MGAT4C: variants seen among roughly 807,000 people sequenced by gnomAD.
MGAT4C encodes alpha-1,3-mannosyl-glycoprotein 4-beta-N-acetylglucosaminyltransferase C.
Under a neutral mutation model 40.1 loss-of-function variants are expected in MGAT4C, and 19 were observed. The observed-to-expected ratio is 0.47, with a 90% confidence interval of 0.33 to 0.70. The LOEUF (loss-of-function observed/expected upper bound fraction) is 0.70, where lower values mean the gene tolerates loss of function less well. MGAT4C is among the 30% of genes least tolerant of loss of function. The probability of loss-of-function intolerance (pLI) is 0.02; values close to 1 mark genes in which losing one functional copy is unlikely to be tolerated. For missense variants in MGAT4C, 491 were observed against 563.2 expected, an observed-to-expected ratio of 0.87 and a Z score of 1.30; for synonymous variants, 181 against 187.1, an observed-to-expected ratio of 0.97 and a Z score of 0.27.
chr12:86,298,368 A>C (rs1394278316), intron 4 of MGAT4C, among the ~76,000 whole-genome samples: 1 of 152,154 alleles, frequency 6.6e-6, no homozygotes, highest in Non-Finnish European at 1.5e-5. Flanking sequence ...TTGTCATGAG[A>C]TGGCAACTTG....
intron 2 of MGAT4C, among the ~76,000 whole-genome samples, chr12:86,026,189 C>G (rs1178981043): frequency 6.6e-6 from 1 of 151,796 alleles, no homozygotes. Context: ...TTTTTAATTA[C>G]ATAAGCAATG....
At chr12:86,221,291 C>T (rs979787225) in intron 1 of MGAT4C, among the ~76,000 whole-genome samples, 3 of 152,024 alleles carry the variant, frequency 2.0e-5, no homozygotes, top group Admixed American at 6.6e-5. Flanking sequence ...GTGCCATATC[C>T]TCTTAAGAGT....
intron 3 of MGAT4C, among the ~76,000 whole-genome samples, chr12:86,335,569 A>G (rs1301318196): frequency 6.6e-6 from 1 of 152,078 alleles, no homozygotes; most frequent in African/African-American, 2.4e-5. Context: ...AAATTTGTAG[A>G]TGCTCAAGTC....
chr12:86,576,569 G>A (rs557333505), intron 2 of MGAT4C, among the ~76,000 whole-genome samples: 1 of 151,904 alleles, frequency 6.6e-6, no homozygotes, highest in Non-Finnish European at 1.5e-5. Context: ...ACCATTTATT[G>A]AAGAGACTGT....
At chr12:86,533,789 T>C (rs1267767207) in intron 2 of MGAT4C, among the ~76,000 whole-genome samples, 2 of 151,612 alleles carry the variant, frequency 1.3e-5, no homozygotes, top group Non-Finnish European at 2.9e-5. Context: ...CCTGAGAAAC[T>C]AGTTCAGGTC....
intron 1 of MGAT4C, among the ~76,000 whole-genome samples, chr12:86,217,996 A>G (rs570772420): frequency 1.3e-5 from 2 of 152,248 alleles, no homozygotes; most frequent in South Asian, 4.1e-4. Flanking sequence ...TTTAGTATTA[A>G]TATCAAAATT....
At chr12:86,314,987 A>G (rs573786416) in intron 4 of MGAT4C, among the ~76,000 whole-genome samples, 69 of 151,442 alleles carry the variant, frequency 4.6e-4, no homozygotes, top group African/African-American at 1.6e-3. Flanking sequence ...ACAGAATTAG[A>G]AAAAGTTATT....
At chr12:86,114,723 T>C (rs1878084098) in intron 1 of MGAT4C, among the ~76,000 whole-genome samples, 1 of 151,906 alleles carries the variant, frequency 6.6e-6, no homozygotes, top group African/African-American at 2.4e-5. Flanking sequence ...TGATATTAGA[T>C]AGCTGAGATT....
At chr12:86,083,792 T>G (rs1871268071) in intron 1 of MGAT4C, among the ~76,000 whole-genome samples, 1 of 152,108 alleles carries the variant, frequency 6.6e-6, no homozygotes, top group Non-Finnish European at 1.5e-5. Flanking sequence ...GAAGACTTAT[T>G]TCTCTGGTAG....
chr12:86,261,968 A>G (rs895248422), intron 4 of MGAT4C, among the ~76,000 whole-genome samples: 1 of 152,078 alleles, frequency 6.6e-6, no homozygotes, highest in African/African-American at 2.4e-5. Flanking sequence ...AATTTTTGCA[A>G]TCAGATCTTG....
At chr12:86,740,963 A>G (rs922284748) in intron 1 of MGAT4C, among the ~76,000 whole-genome samples, 13 of 150,854 alleles carry the variant, frequency 8.6e-5, no homozygotes, top group Middle Eastern at 3.2e-3. Flanking sequence ...AGTGAGCATA[A>G]TATCTAATAA....
intron 4 of MGAT4C, among the ~76,000 whole-genome samples, chr12:86,304,789 C>A (rs926504476): frequency 2.0e-5 from 3 of 150,626 alleles, no homozygotes; most frequent in African/African-American, 5.0e-5. Flanking sequence ...GAGAGGAGAA[C>A]GCCATATGGC....
At chr12:86,099,241 G>T (rs958869784) in intron 1 of MGAT4C, among the ~76,000 whole-genome samples, 4 of 151,076 alleles carry the variant, frequency 2.6e-5, no homozygotes, top group African/African-American at 9.7e-5. Flanking sequence ...AAGATTTTTT[G>T]TCTGTCAGTG....
chr12:86,213,740 A>G (rs1035620395), intron 1 of MGAT4C, among the ~76,000 whole-genome samples: 5 of 152,240 alleles, frequency 3.3e-5, no homozygotes, highest in Admixed American at 6.5e-5. Context: ...TATGCTAACA[A>G]AGATGTTTGC....
intron 2 of MGAT4C, among the ~76,000 whole-genome samples, chr12:86,519,251 T>C (rs532860602): frequency 3.3e-4 from 51 of 152,332 alleles, no homozygotes; most frequent in Non-Finnish European, 6.2e-4. Context: ...TTTCTAATGA[T>C]TGAATAACAT....
intron 3 of MGAT4C, among the ~76,000 whole-genome samples, chr12:86,336,782 G>A (rs1327504832): frequency 6.6e-6 from 1 of 151,988 alleles, no homozygotes; most frequent in Non-Finnish European, 1.5e-5. Context: ...AAATGGGAGG[G>A]GTGTCAGGAA....
intron 2 of MGAT4C, among the ~76,000 whole-genome samples, chr12:86,646,753 C>T (rs953478859): frequency 2.0e-5 from 3 of 151,866 alleles, no homozygotes. Flanking sequence ...CAATATGACT[C>T]CTGCAATCAA....
At chr12:86,038,917 G>A (rs1891518306) in intron 2 of MGAT4C, among the ~76,000 whole-genome samples, 1 of 149,920 alleles carries the variant, frequency 6.7e-6, no homozygotes, top group Non-Finnish European at 1.5e-5. Flanking sequence ...GCTCTTGTAA[G>A]GCAGGCCTGG....
At chr12:86,601,712 C>G (rs1049998007) in intron 2 of MGAT4C, among the ~76,000 whole-genome samples, 2 of 152,110 alleles carry the variant, frequency 1.3e-5, no homozygotes, top group African/African-American at 4.8e-5. Flanking sequence ...ACCCTCACAC[C>G]CTTTGCCAGC....
Sources: gnomAD v4.1 joint callset for allele counts (sites outside exome capture counted in the v4.1 genomes callset) on GRCh38, gnomAD v4.1.1 for gene constraint, MANE v1.5 for transcripts, NCBI Gene and HGNC (gene_info 2026-07-23, HGNC 2026-07-21) for gene names.